NHSL2: variants seen among roughly 807,000 people sequenced by gnomAD.
The protein encoded by NHSL2 is NHS like 2.
In NHSL2, 27 loss-of-function variants were observed where a neutral mutation model predicts 53.4. The ratio of observed to expected loss-of-function variants is 0.51; its 90% CI spans 0.37 to 0.70. NHSL2 has a LOEUF of 0.70. NHSL2 is among the 30% of genes least tolerant of loss of function. NHSL2 has a pLI of 0.00. For synonymous variants in NHSL2, 408 were observed against 404.1 expected (o/e 1.01, Z -0.12); for missense variants, 892 against 980.1 (o/e 0.91, Z 1.20).
intron 1 of NHSL2, among the ~76,000 whole-genome samples, chrX:71,976,505 C>G (rs1371035420): frequency 9.0e-6 from 1 of 111,729 alleles, no homozygotes; most frequent in Non-Finnish European, 1.9e-5. Context: ...ACAGTTTAGC[C>G]CCTTTGTCTA....
At chrX:72,104,796 A>T (rs1014019222) in intron 1 of NHSL2, among the ~76,000 whole-genome samples, 1 of 111,531 alleles carries the variant, frequency 9.0e-6, no homozygotes, top group East Asian at 2.8e-4. Flanking sequence ...AACAGGAAAG[A>T]GTTGAGGATC....
intron 4 of NHSL2, among the ~76,000 whole-genome samples, chrX:72,135,774 C>T (rs1450842360): frequency 8.9e-6 from 1 of 112,204 alleles, no homozygotes; most frequent in Non-Finnish European, 1.9e-5. Flanking sequence ...GTGGCTCACG[C>T]CTGTAATTCC....
At chrX:72,088,597 C>CTCT (rs1281835630) in intron 1 of NHSL2, among the ~76,000 whole-genome samples, 1 of 111,846 alleles carries the variant, frequency 8.9e-6, no homozygotes, top group East Asian at 2.8e-4. Flanking sequence ...CAAGGCCTGA[C>CTCT]TCTTCTGGGC....
chrX:71,954,334 A>G (rs2041833460), intron 1 of NHSL2, among the ~76,000 whole-genome samples: 1 of 112,454 alleles, frequency 8.9e-6, no homozygotes, highest in Non-Finnish European at 1.9e-5. Flanking sequence ...GGCAGAAGCC[A>G]GGAGGACTTG....
intron 1 of NHSL2, among the ~76,000 whole-genome samples, chrX:72,119,075 A>G (rs2042162121): frequency 8.9e-6 from 1 of 112,181 alleles, no homozygotes; most frequent in Admixed American, 9.5e-5. Flanking sequence ...AAAATCCATC[A>G]GCCATATATG....
chrX:72,068,392 C>T (rs2042444011), intron 1 of NHSL2, among the ~76,000 whole-genome samples: 1 of 112,563 alleles, frequency 8.9e-6, no homozygotes, highest in Admixed American at 9.3e-5. Context: ...TGCTTTGTGG[C>T]CATGACTATT....
intron 1 of NHSL2, among the ~76,000 whole-genome samples, chrX:71,946,702 A>G (rs1429612021): frequency 8.9e-6 from 1 of 112,231 alleles, no homozygotes; most frequent in Non-Finnish European, 1.9e-5. Context: ...AAGTCTTTTT[A>G]AAAGTTCCTT....
At position 72,069,820 on chromosome X, in the gene NHSL2, G is replaced by A. The variant is rs768365458; in HGVS notation, c.281-62259G>A. 189 of 604,496 alleles carry A rather than the reference G, an allele frequency of 3.1e-4. 1 individual carries two copies. Among genetic ancestry groups the A allele is most frequent in the Non-Finnish European group, 3.9e-4 (178 of 452,423 alleles). 49.8% of individuals were successfully genotyped at this position (604,496 alleles called of 1,213,427 possible). ...CAGGGCCTCCCAGCTGCTGCCATGC[G>A]GGGCCCCTGACCCTTGGCGTGACTT... On this transcript the variant is annotated intron_variant, in intron 1 of 7. Transcript: ENST00000633930.
At chrX:72,031,793 A>G (rs936678633) in intron 1 of NHSL2, among the ~76,000 whole-genome samples, 6 of 111,233 alleles carry the variant, frequency 5.4e-5, no homozygotes, top group African/African-American at 2.0e-4. Context: ...TATCAAGTGA[A>G]CACATTAACC....
At chrX:72,125,788 C>T (rs2042220068) in intron 1 of NHSL2, among the ~76,000 whole-genome samples, 3 of 111,937 alleles carry the variant, frequency 2.7e-5, no homozygotes, top group African/African-American at 9.8e-5. Context: ...CCCTGTTCCT[C>T]CCTAGAAGGG....
At chrX:72,102,669 AT>A (rs2042004816) in intron 1 of NHSL2, among the ~76,000 whole-genome samples, 1 of 112,536 alleles carries the variant, frequency 8.9e-6, no homozygotes, top group South Asian at 3.6e-4. Flanking sequence ...CTATATAAGT[AT>A]TCATTATTCT....
chrX:71,927,864 A>G (rs765959140), intron 1 of NHSL2, among the ~76,000 whole-genome samples: 18 of 111,426 alleles, frequency 1.6e-4, no homozygotes, highest in Middle Eastern at 4.6e-3. Flanking sequence ...CGGCCCTACT[A>G]CTTGCTTTCT....
intron 1 of NHSL2, among the ~76,000 whole-genome samples, chrX:72,085,866 G>A (rs780124113): frequency 1.8e-5 from 2 of 109,321 alleles, no homozygotes; most frequent in East Asian, 5.7e-4. Flanking sequence ...CCACCTTTGT[G>A]CCCACCCTCC....
At chrX:71,972,328 C>A (rs2041928937) in intron 1 of NHSL2, among the ~76,000 whole-genome samples, 1 of 112,114 alleles carries the variant, frequency 8.9e-6, no homozygotes, top group Non-Finnish European at 1.9e-5. Flanking sequence ...AGCCACCGCG[C>A]CCGGCCTATT....
At chrX:71,970,957 A>AT (rs1181081337) in intron 1 of NHSL2, among the ~76,000 whole-genome samples, 1 of 110,284 alleles carries the variant, frequency 9.1e-6, no homozygotes, top group Admixed American at 9.7e-5. Flanking sequence ...TAATTTTTTA[A>AT]TTTTTTGTAG....
At chrX:72,102,078 G>A (rs756131586) in intron 1 of NHSL2, among the ~76,000 whole-genome samples, 3 of 112,639 alleles carry the variant, frequency 2.7e-5, no homozygotes, top group Admixed American at 9.4e-5. Flanking sequence ...AGCCTGTCAC[G>A]TGCATGGGAG....
intron 1 of NHSL2, among the ~76,000 whole-genome samples, chrX:72,050,275 G>A (rs150685856): frequency 0.029 from 3,168 of 111,107 alleles, 138 homozygotes; most frequent in African/African-American, 0.099. Flanking sequence ...GCGGGTAGGG[G>A]CAAGGGTGGC....
In NHSL2 at chrX:72,134,702, C is replaced by T. The variant is rs1221616693; in HGVS notation, c.758C>T (p.Ser253Phe). 1 of 1,157,897 alleles carries T rather than the reference C, an allele frequency of 8.6e-7. No homozygotes were observed. ...TQSDIVPINISGQQFDKHASL... is the reference protein window; with the variant it reads ...TQSDIVPINIFGQQFDKHASL... ...TCTGACATTGTGCCCATCAACATCT[C>T]TGGTAGAGTTGCTTAGCACCGCCTT... The change falls in exon 4 of 8, where the codon TCT (serine) becomes TTT (phenylalanine). Residue 253 changes from serine (S) to phenylalanine (F), a missense_variant and splice_region_variant. Coordinates refer to ENST00000633930, the MANE Select transcript of NHSL2 (RefSeq NM_001013627.3).
Position 72,149,364 on chromosome X carries a change from A to G in NHSL2, c.*5790A>G, listed in dbSNP as rs988792333. 2 of 111,899 alleles carry G rather than the reference A, an allele frequency of 1.8e-5. No individual in the cohort carries two copies. The highest frequency in any genetic ancestry group is 3.8e-5 in the Non-Finnish European group (2 of 53,176). 9.2% of individuals were successfully genotyped at this position (111,899 alleles called of 1,213,427 possible). On this transcript the variant is annotated 3_prime_UTR_variant, in exon 8 of 8. Transcript: ENST00000633930. ...ATTTGATTTTAAGATTTTTGCCTAA[A>G]TAGTAGAATTTGATAGCAACGAACT...
Sources: allele counts gnomAD v4.1 joint callset (sites outside exome capture counted in the v4.1 genomes callset), GRCh38; gene constraint gnomAD v4.1.1; transcripts MANE v1.5; gene names NCBI Gene and HGNC (gene_info 2026-07-23, HGNC 2026-07-21).